The following UGT1A10 variants were observed in gnomAD, a reference collection of about 807,000 sequenced individuals.
The protein encoded by UGT1A10 is UDP glucuronosyltransferase family 1 member A10.
Under a neutral mutation model 45.8 loss-of-function variants are expected in UGT1A10, and 49 were observed. The observed-to-expected ratio is 1.07, with a 90% CI of 0.85 to 1.36. The LOEUF (loss-of-function observed/expected upper bound fraction) is 1.36. UGT1A10 is among the 40% of genes most tolerant of loss of function. The pLI is 0.00. For missense variants in UGT1A10, 745 were observed against 668.6 expected (o/e 1.11, Z -1.26); for synonymous variants, 284 against 249.7 (o/e 1.14, Z -1.29).
chr2:233,770,939 G>A (rs923528747), intron 4 of UGT1A10: 1 of 152,144 alleles, frequency 6.6e-6, no homozygotes, highest in African/African-American at 2.4e-5. Context: ...TTGGCTGCCG[G>A]GGGAACCTCA....
intron 1 of UGT1A10, chr2:233,693,637 C>T (rs1342546287): frequency 6.2e-7 from 1 of 1,614,222 alleles, no homozygotes. Context: ...GAGTGGCCAA[C>T]TTCCTTGTTA....
At position 233,755,271 on chromosome 2, in the gene UGT1A10, C is replaced by T. The variant is rs549656252; in HGVS notation, c.856-11763C>T. ...CAGCACCTCGTAGTAGTCCACTATGCTGGACTGCCAAAGAGCCTGCGGGGC... is the reference window on the plus strand; with the variant it reads ...CAGCACCTCGTAGTAGTCCACTATGTTGGACTGCCAAAGAGCCTGCGGGGC... On this transcript the variant is annotated intron_variant, in intron 1 of 4. Transcript: ENST00000344644. The T allele has an allele frequency of 4.5e-5, 34 of 755,818 alleles. No individual in the cohort carries two copies. In the African/African-American group the frequency reaches 6.1e-4, roughly 13 times the overall value. 46.8% of individuals were successfully genotyped at this position (755,818 alleles called of 1,614,324 possible). A position where few individuals can be genotyped will look rare whatever the true frequency, so the allele number is the denominator to read the frequency against.
At chr2:233,754,740 A>G (rs1278383852) in intron 1 of UGT1A10, 2 of 687,602 alleles carry the variant, frequency 2.9e-6, no homozygotes, top group Admixed American at 2.3e-5. Flanking sequence ...ACCGTAGGAC[A>G]TGCAGAAGGA....
chr2:233,652,990 TG>T (rs2073775565), intron 1 of UGT1A10, among the ~76,000 whole-genome samples: 2 of 152,222 alleles, frequency 1.3e-5, no homozygotes, highest in South Asian at 4.1e-4. Flanking sequence ...CACTTTTGTG[TG>T]TCAAGGACAC....
chr2:233,755,221 C>G, intron 1 of UGT1A10: 1 of 995,834 alleles, frequency 1.0e-6, no homozygotes. Flanking sequence ...TTGATACCCT[C>G]GGACGAGGCC....
intron 1 of UGT1A10, among the ~76,000 whole-genome samples, chr2:233,749,503 T>G (rs1362784067): frequency 6.6e-6 from 1 of 151,872 alleles, no homozygotes; most frequent in African/African-American, 2.4e-5. Context: ...CTTAGAGAAT[T>G]AGAGAACACT....
chr2:233,682,665 A>T, intron 1 of UGT1A10: 3 of 1,613,852 alleles, frequency 1.9e-6, no homozygotes, highest in Non-Finnish European at 2.5e-6. Context: ...ACGGCATATG[A>T]TCTCTACAGC....
chr2:233,665,787 A>G (rs2074064931), intron 1 of UGT1A10, among the ~76,000 whole-genome samples: 1 of 152,208 alleles, frequency 6.6e-6, no homozygotes, highest in Non-Finnish European at 1.5e-5. Context: ...TTTTATTCTT[A>G]TGGATAAATA....
rs528054263 is a variant in UGT1A10, at chr2:233,637,875, A to T, written c.855+498A>T. 1.4e-3 allele frequency among the ~76,000 whole-genome samples: 208 copies of T among 152,294 alleles called. 3 individuals are homozygous for T. The highest frequency in any genetic ancestry group is 4.8e-3 in the African/African-American group (199 of 41,570). On this transcript the variant is annotated intron_variant, in intron 1 of 4. Coordinates refer to ENST00000344644, the MANE Select transcript of UGT1A10 (RefSeq NM_019075.4). ...TTGCCAATAAATTATGGGTACCTTT[A>T]TAGAGCAATACAGACAGATTTGACA...
chr2:233,651,672 G>T (rs1049555209), intron 1 of UGT1A10, among the ~76,000 whole-genome samples: 3 of 152,176 alleles, frequency 2.0e-5, no homozygotes, highest in African/African-American at 7.2e-5. Flanking sequence ...AGAAGGGCAG[G>T]CTGTGTCTTG....
intron 1 of UGT1A10, among the ~76,000 whole-genome samples, chr2:233,766,480 T>TG (rs1699163559): frequency 6.6e-6 from 1 of 152,128 alleles, no homozygotes; most frequent in Non-Finnish European, 1.5e-5. Context: ...AGGCACATGA[T>TG]GGGGGCGTGG....
At chr2:233,758,324 A>G (rs1465079880) in intron 1 of UGT1A10, among the ~76,000 whole-genome samples, 5 of 152,226 alleles carry the variant, frequency 3.3e-5, no homozygotes, top group Admixed American at 3.3e-4. Context: ...AAGCAGCCTC[A>G]AAAAGCTTGG....
chr2:233,656,324 T>C (rs1298600137), intron 1 of UGT1A10, among the ~76,000 whole-genome samples: 3 of 152,214 alleles, frequency 2.0e-5, no homozygotes, highest in Non-Finnish European at 2.9e-5. Flanking sequence ...AACCAGTCTG[T>C]GATCACCAGT....
intron 1 of UGT1A10, among the ~76,000 whole-genome samples, chr2:233,763,438 G>A (rs1487731202): frequency 6.6e-6 from 1 of 152,146 alleles, no homozygotes; most frequent in African/African-American, 2.4e-5. Context: ...GCTTTAATAA[G>A]TGCATTTTGC....
chr2:233,641,827 G>A (rs2073460942), intron 1 of UGT1A10, among the ~76,000 whole-genome samples: 2 of 152,004 alleles, frequency 1.3e-5, no homozygotes. Flanking sequence ...AATATGTCAT[G>A]CCACTCTCTC....
rs28969714 is a variant in UGT1A10 at position 233,682,816 on chromosome 2, A to T, written c.855+45439A>T. ...TGGTAAGTTATCTCCCCTTTAGCAC[A>T]TTAAGAATAATCTGGCTTTGGAAAT... On this transcript the variant is annotated intron_variant, in intron 1 of 4. Coordinates refer to ENST00000344644, the MANE Select transcript of UGT1A10 (RefSeq NM_019075.4). 6.5e-4 allele frequency: 1,028 copies of T among 1,580,878 alleles called. 12 individuals are homozygous for T. The African/African-American group carries it at 0.012, about 19-fold the overall frequency.
At chr2:233,749,022 T>C (rs1694084845) in intron 1 of UGT1A10, among the ~76,000 whole-genome samples, 1 of 151,722 alleles carries the variant, frequency 6.6e-6, no homozygotes, top group African/African-American at 2.4e-5. Flanking sequence ...ATCCAGAATA[T>C]TTGGGGTTCA....
chr2:233,768,900 A>G (rs972191736), intron 4 of UGT1A10, among the ~76,000 whole-genome samples: 23 of 152,184 alleles, frequency 1.5e-4, no homozygotes, highest in African/African-American at 5.1e-4. Flanking sequence ...TATAAATAAG[A>G]TAATTTAGAG....
chr2:233,682,124 A>G (rs1157843682), intron 1 of UGT1A10: 2 of 1,614,078 alleles, frequency 1.2e-6, no homozygotes, highest in African/African-American at 1.3e-5. Context: ...GCCAGAGGTG[A>G]GTTGGCAACT....
Sources: allele counts gnomAD v4.1 joint callset (sites outside exome capture counted in the v4.1 genomes callset), GRCh38; gene constraint gnomAD v4.1.1; transcripts MANE v1.5; gene names NCBI Gene and HGNC (gene_info 2026-07-23, HGNC 2026-07-21).